TJP2: variants seen among roughly 807,000 people sequenced by gnomAD.
The protein encoded by TJP2 is tight junction protein 2.
TJP2 carries 91 observed loss-of-function variants against 133.1 expected under a neutral mutation model. That is an observed-to-expected ratio of 0.68 (90% CI 0.58 to 0.81). The LOEUF (loss-of-function observed/expected upper bound fraction) is 0.81, where lower values mean the gene tolerates loss of function less well. Among genes scored for constraint, TJP2 ranks in the 40% least tolerant of loss-of-function variants. TJP2 has a pLI of 0.00. For missense variants in TJP2, 1,541 were observed against 1,565.6 expected, an observed-to-expected ratio of 0.98 and a Z score of 0.26; for synonymous variants, 592 against 583.4, an observed-to-expected ratio of 1.01 and a Z score of -0.21.
intron 11 of TJP2, among the ~76,000 whole-genome samples, chr9:69,232,490 T>C (rs999628044): frequency 1.3e-5 from 2 of 152,226 alleles, no homozygotes; most frequent in Non-Finnish European, 2.9e-5. Flanking sequence ...CTAGCCTTTT[T>C]TCACTTTAAT....
rs578077941 is a variant in TJP2, at chr9:69,216,576, T to A, written c.239+113T>A. The stretch of plus-strand genomic sequence containing the variant: ...AAAAAAAGAAAAAAATAACAAACTT[T>A]TATATAATATTTGAAAAGTCTTCAA... On this transcript the variant is annotated intron_variant, in intron 3 of 22. Transcript: ENST00000377245. 1.0e-3 allele frequency: 1,223 copies of A among 1,170,072 alleles called. 10 individuals are homozygous for A. Among genetic ancestry groups the A allele is most frequent in the Middle Eastern group, 7.3e-3 (25 of 3,422 alleles). The allele number at this position is 1,170,072 out of a possible 1,614,324, so 72.5% of individuals were successfully genotyped here.
chr9:69,172,005 C>A (rs903593005), upstream of TJP2, among the ~76,000 whole-genome samples: 1 of 151,972 alleles, frequency 6.6e-6, no homozygotes, highest in Non-Finnish European at 1.5e-5. Context: ...CCATGTTGGC[C>A]AGGATGGTCT....
chr9:69,237,992 T>C lies in TJP2; in HGVS notation c.2275+19T>C. 6.3e-7 allele frequency: 1 copy of C among 1,588,912 alleles called. No individual in the cohort carries two copies. The highest frequency in any genetic ancestry group is 8.6e-7 in the Non-Finnish European group (1 of 1,157,504). On this transcript the variant is annotated intron_variant, in intron 15 of 22. Transcript: ENST00000377245. ...ACTGCTAGTAAGTCTGTCAGTGTTT[T>C]TTTTTCCCCCAAATTTTTATTTTGA...
chr9:69,189,438 G>A (rs1025422209), intron 1 of TJP2, among the ~76,000 whole-genome samples: 1 of 152,142 alleles, frequency 6.6e-6, no homozygotes, highest in African/African-American at 2.4e-5. Flanking sequence ...TATTTAAAAT[G>A]TTAGTAACAT....
chr9:69,194,743 A>G (rs112722500), intron 1 of TJP2, among the ~76,000 whole-genome samples: 9 of 152,170 alleles, frequency 5.9e-5, no homozygotes, highest in Admixed American at 1.3e-4. Flanking sequence ...GTTAATGTGC[A>G]TATTAATCAC....
chr9:69,142,366 T>C (rs745310675), intron 1 of TJP2, among the ~76,000 whole-genome samples: 4 of 152,250 alleles, frequency 2.6e-5, no homozygotes, highest in East Asian at 1.9e-4. Flanking sequence ...ATTAACTCTT[T>C]GGTAATTCTT....
chr9:69,187,124 G>A (rs771190770), intron 1 of TJP2, among the ~76,000 whole-genome samples: 4 of 152,222 alleles, frequency 2.6e-5, no homozygotes, highest in Admixed American at 6.5e-5. Context: ...AATATTTGCA[G>A]TCAGCATGCA....
Position 69,177,598 on chromosome 9 carries a change from A to C in TJP2, c.60+3166A>C, listed in dbSNP as rs150650503. ...TGGAAAAAAAAATTCAGGCATGGAAATCCAATATGCAGTATTGCAGTAGCT... is the reference window on the plus strand; with the variant it reads ...TGGAAAAAAAAATTCAGGCATGGAACTCCAATATGCAGTATTGCAGTAGCT... On this transcript the variant is annotated intron_variant, in intron 1 of 22. Transcript: ENST00000377245. 3.9e-5 allele frequency among the ~76,000 whole-genome samples: 6 copies of C among 152,202 alleles called. No individual in the cohort carries two copies. The East Asian group carries it at 1.2e-3, about 29-fold the overall frequency.
intron 5 of TJP2, among the ~76,000 whole-genome samples, chr9:69,223,913 G>A (rs1336781854): frequency 6.6e-6 from 1 of 152,146 alleles, no homozygotes; most frequent in Admixed American, 6.5e-5. Flanking sequence ...ATTGTGGAAA[G>A]TTACTTTGTT....
rs1554659012 is a variant in TJP2, at chr9:69,215,399, T to TG, written c.115-940_115-939insG. Reference sequence around the variant, plus strand: ...CAGCTAGAAAGTTGTGGTTTTTTTTTTTTGTTTTTTAGAGACTTCTCCATT... The same window carrying TG: ...CAGCTAGAAAGTTGTGGTTTTTTTTTGTTTGTTTTTTAGAGACTTCTCCATT... On this transcript the variant is annotated intron_variant, in intron 2 of 22. Coordinates refer to ENST00000377245, the MANE Select transcript of TJP2 (RefSeq NM_004817.4). Among the ~76,000 whole-genome samples, 82 of 151,772 alleles carry TG rather than the reference T, an allele frequency of 5.4e-4. 1 individual carries two copies. Among genetic ancestry groups the TG allele is most frequent in the Admixed American group, 2.2e-3 (33 of 15,220 alleles).
intron 1 of TJP2, chr9:69,205,314 A>G (rs1827315052): frequency 5.2e-6 from 8 of 1,534,762 alleles, no homozygotes; most frequent in South Asian, 1.2e-5. Flanking sequence ...CCATTCTCAC[A>G]GTGAGTCCTT....
At chr9:69,203,606 G>GTTTTTTTTTT (rs1330482251) in intron 1 of TJP2, among the ~76,000 whole-genome samples, 4 of 57,582 alleles carry the variant, frequency 6.9e-5, no homozygotes, top group East Asian at 6.8e-4. Context: ...GCCCAGCCTG[G>GTTTTTTTTTT]ATTTTTTTTT....
chr9:69,169,290 G>A (rs899624480), upstream of TJP2, among the ~76,000 whole-genome samples: 16 of 151,064 alleles, frequency 1.1e-4, no homozygotes, highest in Non-Finnish European at 1.3e-4. Flanking sequence ...GGAGAGTTAC[G>A]ATTCCAGTCT....
rs1396579249 is a variant in TJP2, at chr9:69,221,144, C to T, written c.600C>T (p.Ser200=). ...DLSRDRSRGR[S]LERGLDQDHA... The stretch of plus-strand genomic sequence containing the variant: ...GCCGGGACCGGAGCCGTGGCCGGAG[C>T]CTGGAGCGGGGCCTGGACCAAGACC... Residue 200 remains serine (S), a synonymous_variant, in exon 5 of 23, where the codon AGC becomes AGT. Coordinates refer to ENST00000377245, the MANE Select transcript of TJP2 (RefSeq NM_004817.4). 3 of 1,593,140 alleles carry T rather than the reference C, an allele frequency of 1.9e-6. No individual in the cohort carries two copies. The African/African-American group carries it at 4.0e-5, about 21-fold the overall frequency.
chr9:69,225,997 A>T, intron 6 of TJP2, 25 bp from the exon 7 acceptor site: 1 of 1,613,322 alleles, frequency 6.2e-7, no homozygotes, highest in Non-Finnish European at 8.5e-7. Flanking sequence ...ATTGCATTTA[A>T]CATTACCATT....
chr9:69,254,063 G>A (rs759340024), intron 22 of TJP2, 146 bp from the exon 23 acceptor site: 1 of 934,602 alleles, frequency 1.1e-6, no homozygotes, highest in Non-Finnish European at 1.7e-6. Flanking sequence ...CAGGACCAGG[G>A]ATGCCCTGGT....
chr9:69,155,167 C>T (rs181396657), intron 2 of TJP2, among the ~76,000 whole-genome samples: 139 of 141,882 alleles, frequency 9.8e-4, no homozygotes, highest in African/African-American at 3.6e-3. Context: ...TGCAGTGAGC[C>T]GAGATCGTGC....
chr9:69,234,398 C>CTTTTTTTTTTTTTTTTTT, intron 11 of TJP2, 41 bp from the exon 12 acceptor site: 11 of 982,288 alleles, frequency 1.1e-5, no homozygotes, highest in South Asian at 3.2e-5. Context: ...TTCTTTCTTT[C>CTTTTTTTTTTTTTTTTTT]TTTTTTTTTT....
At chr9:69,136,942 GCACCACTGCT>G (rs1256682619) in intron 1 of TJP2, among the ~76,000 whole-genome samples, 1 of 152,198 alleles carries the variant, frequency 6.6e-6, no homozygotes. Context: ...CGAGGAAGCA[GCACCACTGCT>G]CAGGGCAACG....
Sources: gnomAD v4.1 joint callset for allele counts (sites outside exome capture counted in the v4.1 genomes callset) on GRCh38, gnomAD v4.1.1 for gene constraint, MANE v1.5 for transcripts, NCBI Gene and HGNC (gene_info 2026-07-23, HGNC 2026-07-21) for gene names.